Variants in EXOC4 observed in about 807,000 individuals in gnomAD.
The protein encoded by EXOC4 is exocyst complex component 4.
EXOC4 carries 71 observed loss-of-function variants against 107.2 expected under a neutral mutation model. That is an observed-to-expected ratio of 0.66 (90% CI 0.55 to 0.81). The LOEUF (loss-of-function observed/expected upper bound fraction) is 0.81, where lower values mean the gene tolerates loss of function less well. Ranked by LOEUF, EXOC4 falls within the 30% of genes least tolerant of loss-of-function variation. EXOC4 has a pLI of 0.00. For synonymous variants in EXOC4, 456 were observed against 441.2 expected (o/e 1.03, Z -0.42); for missense variants, 1,108 against 1,189.6 (o/e 0.93, Z 1.01).
At chr7:133,639,815 A>T (rs757686008) in intron 10 of EXOC4, among the ~76,000 whole-genome samples, 1 of 152,114 alleles carries the variant, frequency 6.6e-6, no homozygotes, top group African/African-American at 2.4e-5. Context: ...TTTAAACTCG[A>T]TGAGCATTCT....
At chr7:133,604,266 C>T (rs1048218446) in intron 9 of EXOC4, among the ~76,000 whole-genome samples, 3 of 152,100 alleles carry the variant, frequency 2.0e-5, no homozygotes, top group Non-Finnish European at 1.5e-5. Flanking sequence ...GAAAGGAGTA[C>T]AACCAAAATA....
intron 11 of EXOC4, among the ~76,000 whole-genome samples, chr7:133,855,003 G>T (rs117420833): frequency 0.02 from 2,764 of 140,210 alleles, 50 homozygotes; most frequent in Non-Finnish European, 0.031. Flanking sequence ...GATTATAATG[G>T]CTTCTCTATT....
chr7:133,258,547 A>G (rs1248118343), intron 1 of EXOC4, among the ~76,000 whole-genome samples: 2 of 152,170 alleles, frequency 1.3e-5, no homozygotes, highest in African/African-American at 4.8e-5. Context: ...ACATGAGATG[A>G]GGGTATATAA....
intron 14 of EXOC4, among the ~76,000 whole-genome samples, chr7:133,989,819 CAG>C (rs1482804695): frequency 6.6e-6 from 1 of 152,060 alleles, no homozygotes; most frequent in Non-Finnish European, 1.5e-5. Context: ...TGAGGACTAA[CAG>C]GGAGCAGGTA....
At chr7:133,768,522 CTT>C (rs1448678783) in intron 10 of EXOC4, 1 of 151,898 alleles carries the variant, frequency 6.6e-6, no homozygotes, top group Non-Finnish European at 1.5e-5. Context: ...GTCAAAACTT[CTT>C]TTCAAGTTCA....
At chr7:133,481,884 C>T (rs1036728128) in intron 9 of EXOC4, among the ~76,000 whole-genome samples, 3 of 152,098 alleles carry the variant, frequency 2.0e-5, no homozygotes, top group Admixed American at 1.3e-4. Flanking sequence ...TTCTCTGCCT[C>T]CCAGGAGAAG....
At chr7:133,604,710 C>CTTTTTTTTTTTTTTTTTTTTTTTTTTT (rs61548710) in intron 9 of EXOC4, among the ~76,000 whole-genome samples, 1 of 50,218 alleles carries the variant, frequency 2.0e-5, no homozygotes, top group Non-Finnish European at 3.5e-5. Flanking sequence ...TTCCTTCTTT[C>CTTTTTTTTTTTTTTTTTTTTTTTTTTT]TTTTTTTTTT....
chr7:133,961,196 C>G (rs1440855174), intron 14 of EXOC4, among the ~76,000 whole-genome samples: 1 of 151,932 alleles, frequency 6.6e-6, no homozygotes, highest in Non-Finnish European at 1.5e-5. Context: ...AGCCAGGCAG[C>G]CTCCCAAAGC....
intron 17 of EXOC4, among the ~76,000 whole-genome samples, chr7:134,044,337 A>C (rs1335680883): frequency 2.6e-5 from 4 of 152,202 alleles, no homozygotes; most frequent in Non-Finnish European, 5.9e-5. Context: ...ACTAGAAATT[A>C]GGAGACTAAT....
the EXOC4 span, among the ~76,000 whole-genome samples, chr7:134,093,555 C>G: frequency 6.6e-6 from 1 of 152,216 alleles, no homozygotes; most frequent in Non-Finnish European, 1.5e-5. Flanking sequence ...GACTTAAACT[C>G]AACACTTCAC....
chr7:133,311,426 C>T (rs1014472245), intron 4 of EXOC4, among the ~76,000 whole-genome samples: 59 of 152,124 alleles, frequency 3.9e-4, no homozygotes, highest in African/African-American at 1.4e-3. Context: ...GTATTTTGAA[C>T]AATAGTTCAG....
intron 5 of EXOC4, among the ~76,000 whole-genome samples, chr7:133,322,171 C>T (rs754890733): frequency 2.6e-5 from 4 of 152,102 alleles, no homozygotes; most frequent in South Asian, 2.1e-4. Context: ...CTGTAGGTTG[C>T]GTGTTCACTC....
At chr7:133,608,131 C>G (rs957343632) in intron 9 of EXOC4, among the ~76,000 whole-genome samples, 6 of 152,148 alleles carry the variant, frequency 3.9e-5, no homozygotes, top group Middle Eastern at 3.4e-3. Flanking sequence ...AAGCTAGATT[C>G]TGGGATATTG....
chr7:133,906,697 C>A (rs1799573877), intron 12 of EXOC4, among the ~76,000 whole-genome samples: 1 of 152,216 alleles, frequency 6.6e-6, no homozygotes, highest in Non-Finnish European at 1.5e-5. Flanking sequence ...TCCACTACCG[C>A]TGTTTGCTGC....
At chr7:134,086,315 T>C in the EXOC4 span, among the ~76,000 whole-genome samples, 1 of 152,202 alleles carries the variant, frequency 6.6e-6, no homozygotes, top group African/African-American at 2.4e-5. Context: ...ACTGACATGA[T>C]GCCATGAGTG....
At chr7:133,716,563 A>G (rs1795002841) in intron 10 of EXOC4, among the ~76,000 whole-genome samples, 1 of 152,216 alleles carries the variant, frequency 6.6e-6, no homozygotes, top group African/African-American at 2.4e-5. Context: ...CTGTCATGAC[A>G]TATAGAAATG....
At chr7:134,036,712 T>G (rs1193463911) in intron 17 of EXOC4, among the ~76,000 whole-genome samples, 1 of 152,214 alleles carries the variant, frequency 6.6e-6, no homozygotes, top group Non-Finnish European at 1.5e-5. Context: ...GATTTTACAT[T>G]TACATATGTA....
intron 9 of EXOC4, among the ~76,000 whole-genome samples, chr7:133,567,514 T>C (rs778018084): frequency 6.6e-6 from 1 of 152,184 alleles, no homozygotes; most frequent in Non-Finnish European, 1.5e-5. Flanking sequence ...TGTGCTAATA[T>C]GTCTGTAAGA....
At chr7:133,962,049 C>G (rs1800958086) in intron 14 of EXOC4, among the ~76,000 whole-genome samples, 1 of 152,210 alleles carries the variant, frequency 6.6e-6, no homozygotes, top group African/African-American at 2.4e-5. Flanking sequence ...CGCACTTAAT[C>G]TCAACACCTC....
Sources: allele counts gnomAD v4.1 joint callset (sites outside exome capture counted in the v4.1 genomes callset), GRCh38; gene constraint gnomAD v4.1.1; transcripts MANE v1.5; gene names NCBI Gene and HGNC (gene_info 2026-07-23, HGNC 2026-07-21).